Variants in CAT observed in about 807,000 individuals in gnomAD.
CAT encodes epididymis secretory sperm binding protein.
In CAT, 43 loss-of-function variants were observed where a neutral mutation model predicts 59.0. The observed-to-expected ratio is 0.73, with a 90% CI of 0.57 to 0.94. CAT has a LOEUF of 0.94. Ranked by LOEUF, CAT falls within the 40% of genes least tolerant of loss-of-function variation. CAT has a pLI of 0.00. For missense variants in CAT, 664 were observed against 682.9 expected (o/e 0.97, Z 0.31); for synonymous variants, 218 against 230.9 (o/e 0.94, Z 0.51).
chr11:34,466,662 T>G (rs1270368466), intron 10 of CAT, among the ~76,000 whole-genome samples: 1 of 150,116 alleles, frequency 6.7e-6, no homozygotes, highest in Non-Finnish European at 1.5e-5. Context: ...GCGCCTGTAG[T>G]CCCAGCTACT....
intron 8 of CAT, among the ~76,000 whole-genome samples, chr11:34,459,095 A>C (rs1156978110): frequency 6.6e-6 from 1 of 152,010 alleles, no homozygotes; most frequent in African/African-American, 2.4e-5. Flanking sequence ...GCTTTCCCCC[A>C]TCCTTCTTAG....
At chr11:34,447,864 C>T (rs1014892588) in intron 1 of CAT, among the ~76,000 whole-genome samples, 3 of 152,070 alleles carry the variant, frequency 2.0e-5, no homozygotes, top group African/African-American at 7.2e-5. Context: ...AGTAACTTAC[C>T]AGCAGCTACA....
At chr11:34,463,389 G>T (rs1368978967) in intron 9 of CAT, among the ~76,000 whole-genome samples, 1 of 152,170 alleles carries the variant, frequency 6.6e-6, no homozygotes, top group Non-Finnish European at 1.5e-5. Context: ...TCTGTGGAGG[G>T]TATGAAAGTG....
chr11:34,463,781 A>G (rs968867787), intron 9 of CAT, among the ~76,000 whole-genome samples: 1 of 152,208 alleles, frequency 6.6e-6, no homozygotes, highest in African/African-American at 2.4e-5. Context: ...TCAAGCCTGT[A>G]TAAACTTCTA....
At chr11:34,468,510 TA>T (rs371396899) in intron 11 of CAT, 115 bp downstream of exon 11, 90,030 of 453,072 alleles carry the variant, frequency 0.2, no homozygotes, top group South Asian at 0.28. Context: ...TAAGAGAACT[TA>T]AAAAAAAAAA....
intron 6 of CAT, among the ~76,000 whole-genome samples, chr11:34,454,944 T>C (rs1414657047): frequency 1.3e-5 from 2 of 152,196 alleles, no homozygotes; most frequent in Non-Finnish European, 2.9e-5. Context: ...TTACCAGCTA[T>C]ACAAGTCCTG....
At chr11:34,459,615 G>C (rs557608849) in intron 8 of CAT, among the ~76,000 whole-genome samples, 1 of 152,314 alleles carries the variant, frequency 6.6e-6, no homozygotes, top group South Asian at 2.1e-4. Context: ...TCCAGCAAGG[G>C]AGTTCAGGCA....
At chr11:34,453,353 C>G (rs1268011740) in intron 5 of CAT, among the ~76,000 whole-genome samples, 159 bp downstream of exon 5, 1 of 152,214 alleles carries the variant, frequency 6.6e-6, no homozygotes, top group Non-Finnish European at 1.5e-5. Flanking sequence ...CTTTACTAAT[C>G]ATCCCCCATT....
At chr11:34,442,528 G>C (rs1484391735) in intron 1 of CAT, among the ~76,000 whole-genome samples, 1 of 152,168 alleles carries the variant, frequency 6.6e-6, no homozygotes, top group Non-Finnish European at 1.5e-5. Flanking sequence ...TTGAACCCTG[G>C]AGGCGGAGGT....
At chr11:34,447,695 C>T (rs1856474300) in intron 1 of CAT, among the ~76,000 whole-genome samples, 1 of 152,200 alleles carries the variant, frequency 6.6e-6, no homozygotes, top group African/African-American at 2.4e-5. Flanking sequence ...TGCTTTGCTC[C>T]TTCTGCTGCG....
intron 8 of CAT, 71 bp downstream of exon 8, chr11:34,456,888 T>C (rs1856597057): frequency 1.3e-6 from 2 of 1,483,764 alleles, no homozygotes; most frequent in African/African-American, 2.8e-5. Context: ...ATATGCAGCT[T>C]GGCATGATCT....
intron 10 of CAT, among the ~76,000 whole-genome samples, chr11:34,467,023 G>A (rs185516965): frequency 1.3e-5 from 2 of 152,064 alleles, no homozygotes; most frequent in East Asian, 3.9e-4. Flanking sequence ...TGAAAAATTA[G>A]AATACATACA....
chr11:34,471,303 C>G, intron 12 of CAT, 65 bp from the exon 13 acceptor site: 1 of 1,241,450 alleles, frequency 8.1e-7, no homozygotes. Context: ...CATATTAAAA[C>G]TGAGTAAATA....
At chr11:34,452,462 G>A (rs1856535355) in intron 4 of CAT, among the ~76,000 whole-genome samples, 1 of 152,136 alleles carries the variant, frequency 6.6e-6, no homozygotes, top group African/African-American at 2.4e-5. Flanking sequence ...GAGCATCGAA[G>A]ATTAGTAAAA....
rs369392879 is a variant in CAT, at chr11:34,464,176, A to G, written c.1267A>G (p.Ile423Val). The G allele has an allele frequency of 1.2e-6, 2 of 1,613,842 alleles. No individual in the cohort carries two copies. Among genetic ancestry groups the G allele is most frequent in the Non-Finnish European group, 8.5e-7 (1 of 1,179,692 alleles). The change falls in exon 10 of 13, where the codon ATC (isoleucine) becomes GTC (valine). Residue 423 changes from isoleucine (I) to valine (V), a missense_variant. Transcript: ENST00000241052. ...EQQPSALEHS[I>V]QYSGEVRRFN... ...ACAGCCTTCTGCCCTGGAGCACAGCATCCAATATTCTGGAGAAGTGCGGAG... is the reference window on the plus strand; with the variant it reads ...ACAGCCTTCTGCCCTGGAGCACAGCGTCCAATATTCTGGAGAAGTGCGGAG...
intron 1 of CAT, among the ~76,000 whole-genome samples, chr11:34,447,748 T>C (rs2284368): frequency 0.22 from 34,189 of 152,282 alleles, 4,284 homozygotes; most frequent in East Asian, 0.48. Context: ...CATATATGTG[T>C]TGAATGTGTG....
chr11:34,463,942 A>G (rs1377108405), intron 9 of CAT, among the ~76,000 whole-genome samples, 163 bp from the exon 10 acceptor site: 2 of 152,224 alleles, frequency 1.3e-5, no homozygotes, highest in Non-Finnish European at 2.9e-5. Context: ...CTGTAGCTAA[A>G]TGCGGGAAAT....
intron 6 of CAT, 75 bp from the exon 7 acceptor site, chr11:34,455,936 T>C: frequency 8.0e-7 from 1 of 1,254,114 alleles, no homozygotes. Flanking sequence ...TCATAATCCT[T>C]CAATGAATTA....
At position 34,459,616 on chromosome 11, in the gene CAT, A is replaced by G. The variant is rs577305750; in HGVS notation, c.1057-1635A>G. ...CCCACTCACGCAGGTCCAGCAAGGG[A>G]GTTCAGGCACAGGGCCTTGGGGAAG... On this transcript the variant is annotated intron_variant, in intron 8 of 12. Transcript: ENST00000241052. Among the ~76,000 whole-genome samples the G allele has an allele frequency of 3.6e-4, 55 of 152,226 alleles. No individual in the cohort carries two copies. In the South Asian group the frequency reaches 5.6e-3, roughly 16 times the overall value.
Sources: gnomAD v4.1 joint callset for allele counts (sites outside exome capture counted in the v4.1 genomes callset) on GRCh38, gnomAD v4.1.1 for gene constraint, MANE v1.5 for transcripts, NCBI Gene and HGNC (gene_info 2026-07-23, HGNC 2026-07-21) for gene names.